CCDC18: variants seen among roughly 807,000 people sequenced by gnomAD.
CCDC18 encodes the protein coiled-coil domain containing 18.
A neutral mutation model predicts 196.0 loss-of-function variants in CCDC18; 157 were observed. That is an observed-to-expected ratio of 0.80 (90% CI 0.70 to 0.91). The LOEUF is 0.91. Ranked by LOEUF, CCDC18 falls within the 40% of genes least tolerant of loss-of-function variation. The pLI is 0.00. For missense variants in CCDC18, 1,465 were observed against 1,611.6 expected, an observed-to-expected ratio of 0.91 and a Z score of 1.56; for synonymous variants, 482 against 529.2, an observed-to-expected ratio of 0.91 and a Z score of 1.22.
chr1:93,227,867 A>G lies in CCDC18; in HGVS notation c.2292+1418A>G, dbSNP rs149772665. ...CAGCTACTCAGGAAGCTGAGATGGG[A>G]GGATCACTTGAGCCTAGGAGGTCGA... is the stretch of plus-strand genomic sequence containing the variant. On this transcript the variant is annotated intron_variant, in intron 17 of 28. Transcript: ENST00000690025. 3.1e-3 allele frequency among the ~76,000 whole-genome samples: 464 copies of G among 150,580 alleles called. 7 individuals are homozygous for G. In the East Asian group the frequency reaches 0.055, roughly 18 times the overall value.
intron 25 of CCDC18, among the ~76,000 whole-genome samples, chr1:93,257,133 A>G (rs939560527): frequency 6.7e-6 from 1 of 149,104 alleles, no homozygotes; most frequent in African/African-American, 2.5e-5. Context: ...TCGGGAGGCT[A>G]AGGCTGGGGA....
intron 23 of CCDC18, among the ~76,000 whole-genome samples, chr1:93,251,461 A>C (rs1409686819): frequency 1.2e-4 from 18 of 152,126 alleles, no homozygotes. Flanking sequence ...CATTTCTTGT[A>C]GGACAGGTCT....
At chr1:93,264,194 A>T (rs1013644791) in intron 26 of CCDC18, among the ~76,000 whole-genome samples, 1 of 152,118 alleles carries the variant, frequency 6.6e-6, no homozygotes, top group Admixed American at 6.5e-5. Flanking sequence ...GCATGGGTGA[A>T]ACCATCCCCA....
chr1:93,212,254 T>C lies in CCDC18; in HGVS notation c.1488T>C (p.His496=). The C allele has an allele frequency of 6.4e-7, 1 of 1,574,236 alleles. No individual in the cohort carries two copies. The highest frequency in any genetic ancestry group is 8.6e-7 in the Non-Finnish European group (1 of 1,162,138). The change falls in exon 11 of 29, where the codon CAT becomes CAC. Residue 496 remains histidine, a synonymous_variant. Coordinates refer to ENST00000690025, the MANE Select transcript of CCDC18 (RefSeq NM_001378204.1). ...CAGAACCTGTAAAGCTAGGTGGTCA[T>C]CAAGTAGGTAAGTATATTGAGTTAT... ...LETEPVKLGG[H]QVAESVKDQN...
In CCDC18 at chr1:93,221,986, AACAG is replaced by A. The variant is rs1657510366; in HGVS notation, c.2175+56_2175+59del. The A allele has an allele frequency of 3.0e-6, 3 of 1,006,534 alleles. No homozygotes were observed. The East Asian group carries it at 8.6e-5, about 29-fold the overall frequency. The allele number at this position is 1,006,534 out of a possible 1,614,324, so 62.4% of individuals were successfully genotyped here. On this transcript the variant is annotated intron_variant, in intron 16 of 28. Coordinates refer to ENST00000690025, the MANE Select transcript of CCDC18 (RefSeq NM_001378204.1). ...TCTTTCTTTCCTTTTTTTTTTTTTT[AACAG>A]ACAGAATCTCTCTCATTTGCCTAGG... is the stretch of plus-strand genomic sequence containing the variant.
Position 93,226,314 on chromosome 1 carries a change from T to G in CCDC18, c.2176-19T>G, listed in dbSNP as rs1388511694. 10 of 870,318 alleles carry G rather than the reference T, an allele frequency of 1.1e-5. No homozygotes were observed. The highest frequency in any genetic ancestry group is 1.1e-4 in the African/African-American group (5 of 43,974). 53.9% of individuals were successfully genotyped at this position (870,318 alleles called of 1,614,324 possible). A position where few individuals can be genotyped will look rare whatever the true frequency, so the allele number is the denominator to read the frequency against. ...TCGTTTTGTGTTTTTTTTTTTTTTT[T>G]GCTTTTTTTCCTGCTTAGGTTAGGC... On this transcript the variant is annotated intron_variant, in intron 16 of 28. Transcript: ENST00000690025.
intron 12 of CCDC18, among the ~76,000 whole-genome samples, chr1:93,215,455 CTT>C (rs60117060): frequency 3.6e-5 from 5 of 139,912 alleles, no homozygotes; most frequent in African/African-American, 1.0e-4. Context: ...TTTTCTTTTT[CTT>C]TTTTTTTTTT....
At chr1:93,229,402 TA>T (rs1394505285) in intron 17 of CCDC18, among the ~76,000 whole-genome samples, 3 of 152,254 alleles carry the variant, frequency 2.0e-5, no homozygotes, top group African/African-American at 7.2e-5. Flanking sequence ...TTGGTTAATA[TA>T]ATTAACACCT....
At chr1:93,205,371 C>G in intron 7 of CCDC18, 139 bp from the exon 8 acceptor site, 1 of 664,154 alleles carries the variant, frequency 1.5e-6, no homozygotes, top group Non-Finnish European at 2.4e-6. Flanking sequence ...CTTCTTTTCA[C>G]TACAAGGCTG....
At position 93,210,815 on chromosome 1, in the gene CCDC18, T is replaced by C; in HGVS notation, c.1223T>C (p.Leu408Ser). ...IISQLPLKRE[L>S]FGFKSYLSKY... ...TTAAACTTGCAGTTAAAAAGAGAAT[T>C]ATTTGGCTTTAAATCATATCTTTCT... Residue 408 changes from leucine to serine, a missense_variant, in exon 10 of 29, where the codon TTA becomes TCA. Coordinates refer to ENST00000690025, the MANE Select transcript of CCDC18 (RefSeq NM_001378204.1). 6.3e-7 allele frequency: 1 copy of C among 1,593,860 alleles called. No homozygotes were observed.
chr1:93,222,828 G>C (rs763411371), intron 16 of CCDC18, among the ~76,000 whole-genome samples: 2 of 152,114 alleles, frequency 1.3e-5, no homozygotes, highest in Admixed American at 6.6e-5. Flanking sequence ...TGCATTTTTA[G>C]TGTTAAACGT....
chr1:93,246,365 CT>C (rs1661497405), intron 22 of CCDC18, among the ~76,000 whole-genome samples, 161 bp downstream of exon 22: 2 of 152,076 alleles, frequency 1.3e-5, no homozygotes, highest in Admixed American at 1.3e-4. Flanking sequence ...CTCTCTTTAT[CT>C]TGATATTTTT....
Position 93,214,847 on chromosome 1 carries a change from C to A in CCDC18, c.1600C>A (p.Gln534Lys), listed in dbSNP as rs773453909. Residue 534 changes from glutamine (Q) to lysine (K), a missense_variant, in exon 12 of 29, where the codon CAA becomes AAA. Coordinates refer to ENST00000690025, the MANE Select transcript of CCDC18 (RefSeq NM_001378204.1). ...GIEELRTKLIQIEAENSDLKV... is the reference protein window; with the variant it reads ...GIEELRTKLIKIEAENSDLKV... ...AGAAGAACTACGTACTAAGCTGATA[C>A]AAATAGAAGCTGAAAATTCTGATTT... 1.9e-6 allele frequency: 3 copies of A among 1,613,450 alleles called. No individual in the cohort carries two copies. The highest frequency in any genetic ancestry group is 4.5e-5 in the East Asian group (2 of 44,788).
At chr1:93,216,207 G>A (rs1656451279) in intron 12 of CCDC18, among the ~76,000 whole-genome samples, 2 of 152,182 alleles carry the variant, frequency 1.3e-5, no homozygotes, top group Non-Finnish European at 2.9e-5. Flanking sequence ...GCACAGTCTT[G>A]TTAATATAAA....
intron 23 of CCDC18, among the ~76,000 whole-genome samples, chr1:93,252,374 A>C (rs757373538): frequency 6.6e-6 from 1 of 152,156 alleles, no homozygotes; most frequent in Non-Finnish European, 1.5e-5. Context: ...CTTCAAGCTC[A>C]CTGATTCTAT....
intron 19 of CCDC18, 126 bp from the exon 20 acceptor site, chr1:93,239,184 T>C: frequency 4.4e-6 from 3 of 676,382 alleles, no homozygotes; most frequent in Non-Finnish European, 7.1e-6. Flanking sequence ...ATAGGTGATT[T>C]AAAATTCCAA....
At chr1:93,271,541 A>G (rs1665258931) in intron 28 of CCDC18, 1 of 985,196 alleles carries the variant, frequency 1.0e-6, no homozygotes, top group Non-Finnish European at 1.2e-6. Context: ...TCTTAAATTC[A>G]TACCCACTCT....
intron 17 of CCDC18, 136 bp from the exon 18 acceptor site, chr1:93,232,290 C>G (rs1659350930): frequency 1.9e-6 from 1 of 538,032 alleles, no homozygotes; most frequent in South Asian, 3.1e-5. Flanking sequence ...CTTCCAATGA[C>G]AAACTATAGA....
intron 7 of CCDC18, among the ~76,000 whole-genome samples, chr1:93,203,491 GAAC>G (rs1234678259): frequency 6.6e-6 from 1 of 152,054 alleles, no homozygotes; most frequent in Non-Finnish European, 1.5e-5. Flanking sequence ...TATAGAATGA[GAAC>G]AAGATGAAAG....
Sources: allele counts gnomAD v4.1 joint callset (sites outside exome capture counted in the v4.1 genomes callset), GRCh38; gene constraint gnomAD v4.1.1; transcripts MANE v1.5; gene names NCBI Gene and HGNC (gene_info 2026-07-23, HGNC 2026-07-21).